The following TMPRSS15 variants were observed in gnomAD, a reference collection of about 807,000 sequenced individuals.
TMPRSS15 encodes the protein transmembrane serine protease 15.
TMPRSS15 carries 128 observed loss-of-function variants against 125.3 expected under a neutral mutation model. The ratio of observed to expected loss-of-function variants is 1.02; its 90% confidence interval spans 0.89 to 1.18. TMPRSS15 has a LOEUF of 1.18. Ranked by LOEUF, TMPRSS15 falls within the 50% of genes most tolerant of loss-of-function variation. The pLI is 0.00. For synonymous variants in TMPRSS15, 446 were observed against 423.2 expected (o/e 1.05, Z -0.66); for missense variants, 1,283 against 1,212.7 (o/e 1.06, Z -0.86).
chr21:18,412,474 A>G (rs181553398), intron 1 of TMPRSS15, among the ~76,000 whole-genome samples: 1 of 152,342 alleles, frequency 6.6e-6, no homozygotes, highest in Admixed American at 6.5e-5. Context: ...AGTTCCTGAC[A>G]TGGTTTGGAC....
rs1326053976 is a variant in TMPRSS15 at position 18,278,961 on chromosome 21, T to C, written c.2764+3A>G. 3 of 1,219,626 alleles carry C rather than the reference T, an allele frequency of 2.5e-6. No individual in the cohort carries two copies. In the South Asian group the frequency reaches 3.9e-5, roughly 16 times the overall value. The allele number at this position is 1,219,626 out of a possible 1,614,324, so 75.6% of individuals were successfully genotyped here. ...TTTTTTTTTTTTGAGTCTGATAATT[T>C]ACCTTGATATACAACCGTCCCCCAA... On this transcript the variant is annotated splice_donor_region_variant and intron_variant, in intron 23 of 24. Transcript: ENST00000284885.
At chr21:18,276,955 G>A (rs574656792) in intron 23 of TMPRSS15, among the ~76,000 whole-genome samples, 214 of 151,582 alleles carry the variant, frequency 1.4e-3, no homozygotes, top group African/African-American at 5.0e-3. Context: ...AAGTAGAGAC[G>A]GGGTTTCACC....
intron 1 of TMPRSS15, among the ~76,000 whole-genome samples, chr21:18,441,561 C>T (rs1488033628): frequency 2.1e-5 from 3 of 139,910 alleles, no homozygotes; most frequent in Non-Finnish European, 4.5e-5. Context: ...GAGCTGAGAT[C>T]GTGCCACTGC....
rs1339822441 is a variant in TMPRSS15 at position 18,269,899 on chromosome 21, C to CTTAA, written c.*66_*69dup. 23 of 1,581,284 alleles carry CTTAA rather than the reference C, an allele frequency of 1.5e-5. No homozygotes were observed. The highest frequency in any genetic ancestry group is 1.8e-5 in the Non-Finnish European group (21 of 1,158,470). ...CTTTTTAAAATTTTTGTACGAAACA[C>CTTAA]TTAATTTCCATGCTTTCTAGAGTAG... On this transcript the variant is annotated 3_prime_UTR_variant, in exon 25 of 25. Transcript: ENST00000284885.
Position 18,365,152 on chromosome 21 carries a change from T to A in TMPRSS15, c.761A>T (p.Gln254Leu). The A allele has an allele frequency of 6.2e-7, 1 of 1,613,804 alleles. No individual in the cohort carries two copies. Among genetic ancestry groups the A allele is most frequent in the East Asian group, 2.2e-5 (1 of 44,856 alleles). Residue 254 changes from glutamine (Q) to leucine (L), a missense_variant, in exon 7 of 25, where the codon CAG becomes CTG. By Grantham distance (113) the Gln-to-Leu change is moderately radical (BLOSUM62 -2). Coordinates refer to ENST00000284885, the MANE Select transcript of TMPRSS15 (RefSeq NM_002772.3). ...PKPSETSVVC[Q>L]WIIRVNQGLS... is the part of the protein sequence containing the mutation. ...GATCTTGTATTACCGTATGATCCAC[T>A]GGCAGACAACACTTGTTTCAGAAGG...
intron 18 of TMPRSS15, among the ~76,000 whole-genome samples, chr21:18,305,555 C>G (rs558819047): frequency 6.6e-6 from 1 of 152,288 alleles, no homozygotes; most frequent in Non-Finnish European, 1.5e-5. Flanking sequence ...TAAAACCACA[C>G]ATTGAGATCC....
chr21:18,442,670 T>C (rs1437513965), intron 1 of TMPRSS15, among the ~76,000 whole-genome samples: 1 of 152,204 alleles, frequency 6.6e-6, no homozygotes, highest in Non-Finnish European at 1.5e-5. Flanking sequence ...CTCAAGGACA[T>C]CCAGCTAGTT....
intron 1 of TMPRSS15, among the ~76,000 whole-genome samples, chr21:18,423,265 C>A (rs551766560): frequency 3.9e-5 from 6 of 152,322 alleles, no homozygotes; most frequent in Non-Finnish European, 8.8e-5. Flanking sequence ...AATGCAGAGG[C>A]AGCAGCCTGC....
At chr21:18,331,797 A>G (rs577532350) in intron 14 of TMPRSS15, among the ~76,000 whole-genome samples, 1 of 152,318 alleles carries the variant, frequency 6.6e-6, no homozygotes, top group East Asian at 1.9e-4. Context: ...GTTGTTATTC[A>G]ACTTCTAAAT....
chr21:18,447,820 T>A (rs566421304), intron 1 of TMPRSS15, among the ~76,000 whole-genome samples: 1 of 152,330 alleles, frequency 6.6e-6, no homozygotes, highest in South Asian at 2.1e-4. Context: ...CCTCTTTTTT[T>A]CATAAATTAG....
intron 15 of TMPRSS15, among the ~76,000 whole-genome samples, chr21:18,328,831 C>CGTGA (rs1472755281): frequency 6.6e-6 from 1 of 152,138 alleles, no homozygotes; most frequent in Non-Finnish European, 1.5e-5. Flanking sequence ...ACAGTATTCA[C>CGTGA]ACTGATGTGA....
chr21:18,390,608 A>T (rs2075982530), intron 3 of TMPRSS15, among the ~76,000 whole-genome samples: 2 of 152,180 alleles, frequency 1.3e-5, no homozygotes, highest in Non-Finnish European at 2.9e-5. Context: ...TGAGAATTGT[A>T]CTTTAAATGT....
intron 1 of TMPRSS15, among the ~76,000 whole-genome samples, chr21:18,441,661 CATTATTATTATTATTATT>C (rs113071625): frequency 1.3e-4 from 18 of 134,722 alleles, no homozygotes; most frequent in South Asian, 4.7e-4. Context: ...CTTTAGGACA[CATTATTATTATTATTATT>C]ATTATTATTA....
intron 1 of TMPRSS15, among the ~76,000 whole-genome samples, chr21:18,481,113 A>G (rs1233758902): frequency 6.6e-6 from 1 of 151,832 alleles, no homozygotes; most frequent in Non-Finnish European, 1.5e-5. Flanking sequence ...TGACTCTACC[A>G]TTTGGCAACT....
chr21:18,278,046 T>C (rs537196252), intron 23 of TMPRSS15, among the ~76,000 whole-genome samples: 22 of 152,310 alleles, frequency 1.4e-4, no homozygotes, highest in African/African-American at 4.1e-4. Context: ...TATCAACTGA[T>C]GGATACAATG....
chr21:18,475,952 T>A (rs1182358389), intron 1 of TMPRSS15, among the ~76,000 whole-genome samples: 1 of 152,154 alleles, frequency 6.6e-6, no homozygotes, highest in Non-Finnish European at 1.5e-5. Context: ...GATTTAATTT[T>A]ATTGACAGAA....
chr21:18,272,521 C>T lies in TMPRSS15; in HGVS notation c.2905-2397G>A, dbSNP rs11909952. ...GGTGGATCACCTGAGATCAGGAGTT[C>T]GAGATCAGCCTGGCCAACATGGTGA... On this transcript the variant is annotated intron_variant, in intron 24 of 24. Transcript: ENST00000284885. Among the ~76,000 whole-genome samples the T allele has an allele frequency of 7.9e-3, 1,194 of 152,062 alleles. 17 individuals are homozygous for T. The highest frequency in any genetic ancestry group is 0.027 in the African/African-American group (1,131 of 41,468).
chr21:18,376,973 G>A (rs993015303), intron 5 of TMPRSS15, among the ~76,000 whole-genome samples: 3 of 152,128 alleles, frequency 2.0e-5, no homozygotes, highest in Non-Finnish European at 4.4e-5. Flanking sequence ...ATATAAAAAT[G>A]AGAATAAACT....
chr21:18,340,085 G>A (rs1361657745), intron 13 of TMPRSS15, among the ~76,000 whole-genome samples: 1 of 152,190 alleles, frequency 6.6e-6, no homozygotes, highest in East Asian at 1.9e-4. Context: ...TTGGATTGAA[G>A]GATGCAAAGT....
Sources: gnomAD v4.1 joint callset for allele counts (sites outside exome capture counted in the v4.1 genomes callset) on GRCh38, gnomAD v4.1.1 for gene constraint, MANE v1.5 for transcripts, NCBI Gene and HGNC (gene_info 2026-07-23, HGNC 2026-07-21) for gene names.